Variants in RBFOX1 observed in about 807,000 individuals in gnomAD.
RBFOX1 encodes RNA binding protein fox-1 homolog 1.
Under a neutral mutation model 57.7 loss-of-function variants are expected in RBFOX1, and 8 were observed. That is an observed-to-expected ratio of 0.14 (90% CI 0.08 to 0.25). The LOEUF is 0.25. RBFOX1 is among the 10% of genes least tolerant of loss of function. The pLI is 1.00. For synonymous variants in RBFOX1, 326 were observed against 222.4 expected (o/e 1.47, Z -4.15); for missense variants, 611 against 548.5 (o/e 1.11, Z -1.14).
At chr16:6,413,753 T>G (rs1407531787) in intron 2 of RBFOX1, among the ~76,000 whole-genome samples, 2 of 152,134 alleles carry the variant, frequency 1.3e-5, no homozygotes, top group Non-Finnish European at 2.9e-5. Context: ...GATACTTAAT[T>G]AACTAAGAAT....
At chr16:7,465,852 T>C (rs866795565) in intron 4 of RBFOX1, among the ~76,000 whole-genome samples, 2 of 152,176 alleles carry the variant, frequency 1.3e-5, no homozygotes, top group African/African-American at 4.8e-5. Flanking sequence ...TGATGTCGAG[T>C]GTTTGATATT....
At chr16:6,621,928 A>C (rs1279473260) in intron 2 of RBFOX1, among the ~76,000 whole-genome samples, 1 of 152,186 alleles carries the variant, frequency 6.6e-6, no homozygotes, top group African/African-American at 2.4e-5. Context: ...AAGAGCTAAG[A>C]GAGAGTTATG....
intron 1 of RBFOX1, among the ~76,000 whole-genome samples, chr16:6,149,615 G>C (rs2096783712): frequency 1.3e-5 from 2 of 152,140 alleles, no homozygotes; most frequent in African/African-American, 4.8e-5. Context: ...ATATGCATTG[G>C]GTCTTTTTCT....
At chr16:7,549,559 C>T (rs1178083411) in intron 5 of RBFOX1, among the ~76,000 whole-genome samples, 3 of 152,148 alleles carry the variant, frequency 2.0e-5, no homozygotes, top group Non-Finnish European at 4.4e-5. Flanking sequence ...GTCCTAGAGC[C>T]TCAAAAGTAG....
At chr16:5,891,185 A>G (rs889854638) in intron 4 of RBFOX1, among the ~76,000 whole-genome samples, 1 of 147,582 alleles carries the variant, frequency 6.8e-6, no homozygotes, top group Non-Finnish European at 1.5e-5. Flanking sequence ...GGCTTCAGAA[A>G]GTGTAAACCC....
At chr16:5,565,812 T>C (rs2046047186) in intron 2 of RBFOX1, among the ~76,000 whole-genome samples, 1 of 151,970 alleles carries the variant, frequency 6.6e-6, no homozygotes, top group Admixed American at 6.6e-5. Flanking sequence ...ACATGGGAAA[T>C]AAGAGAGGCT....
At chr16:6,425,918 A>G (rs1293766318) in intron 2 of RBFOX1, among the ~76,000 whole-genome samples, 3 of 152,166 alleles carry the variant, frequency 2.0e-5, no homozygotes, top group African/African-American at 7.2e-5. Flanking sequence ...CTTCCCAAAA[A>G]GAATCCCATG....
intron 3 of RBFOX1, among the ~76,000 whole-genome samples, chr16:6,859,119 A>ATATATATATATATATGTATATATATATG (rs2058442693): frequency 1.2e-5 from 1 of 82,212 alleles, no homozygotes; most frequent in African/African-American, 8.6e-5. Context: ...GTGTATATAT[A>ATATATATATATATATGTATATATATATG]TATATATATA....
At chr16:7,050,648 C>A (rs79237231) in intron 3 of RBFOX1, among the ~76,000 whole-genome samples, 1 of 152,048 alleles carries the variant, frequency 6.6e-6, no homozygotes, top group Admixed American at 6.6e-5. Context: ...TCTGTGGTTT[C>A]TTTTCTTAAC....
At chr16:7,010,181 G>C (rs1246376695) in intron 3 of RBFOX1, among the ~76,000 whole-genome samples, 5 of 152,220 alleles carry the variant, frequency 3.3e-5, no homozygotes, top group African/African-American at 7.2e-5. Flanking sequence ...TGAATACTAT[G>C]AGGGTCCCTT....
rs113430456 is a variant in RBFOX1 at position 5,904,375 on chromosome 16, G to C, written c.351+37040G>C. 5.6e-3 allele frequency among the ~76,000 whole-genome samples: 849 copies of C among 152,172 alleles called. 11 individuals carry two copies. Among genetic ancestry groups the C allele is most frequent in the African/African-American group, 0.02 (811 of 41,516 alleles). ...AGCAGAGGCTGCTCCATCACTTGGG[G>C]ACAGGTGTTTAGGAGCTCGTTTTGT... is the stretch of plus-strand genomic sequence containing the variant. On this transcript the variant is annotated intron_variant, in intron 4 of 19. Coordinates refer to the RBFOX1 transcript ENST00000641259.
Position 5,776,256 on chromosome 16 carries a change from C to T in RBFOX1, c.319-91047C>T, listed in dbSNP as rs74006281. ...ATTTGCACATTCGTTGATTTGTATTCAGAAGGCTGCAGTACCCCATTCTGG... is the reference window on the plus strand; with the variant it reads ...ATTTGCACATTCGTTGATTTGTATTTAGAAGGCTGCAGTACCCCATTCTGG... On this transcript the variant is annotated intron_variant, in intron 3 of 19. Transcript: ENST00000641259. 4.6e-3 allele frequency among the ~76,000 whole-genome samples: 696 copies of T among 152,290 alleles called. 6 individuals are homozygous for T. The highest frequency in any genetic ancestry group is 0.015 in the African/African-American group (639 of 41,550).
At chr16:7,158,628 C>A (rs1379324723) in intron 4 of RBFOX1, among the ~76,000 whole-genome samples, 1 of 151,506 alleles carries the variant, frequency 6.6e-6, no homozygotes, top group East Asian at 1.9e-4. Context: ...GATGTGTCTG[C>A]ATGTGTGTGT....
At chr16:5,953,762 C>CA (rs1182705711) in intron 4 of RBFOX1, among the ~76,000 whole-genome samples, 1 of 151,056 alleles carries the variant, frequency 6.6e-6, no homozygotes, top group Non-Finnish European at 1.5e-5. Flanking sequence ...GATTGATGGA[C>CA]ATTTGAGTTG....
At position 5,434,655 on chromosome 16, in the gene RBFOX1, G is replaced by T. The variant is rs535868185; in HGVS notation, c.220-32561G>T. Among the ~76,000 whole-genome samples the T allele has an allele frequency of 3.3e-5, 5 of 152,168 alleles. No individual in the cohort carries two copies. The East Asian group carries it at 9.7e-4, about 29-fold the overall frequency. ...TCTCCTTCGTGCCTCTAAATTGTGT[G>T]CTAATAACCTTATTTCTTCGTTATC... On this transcript the variant is annotated intron_variant, in intron 1 of 2. Transcript: ENST00000585867.
At chr16:7,605,797 T>C (rs769593391) in intron 9 of RBFOX1, among the ~76,000 whole-genome samples, 6 of 152,162 alleles carry the variant, frequency 3.9e-5, no homozygotes, top group South Asian at 2.1e-4. Flanking sequence ...GCTCAAGGAC[T>C]CAGAGCAAAG....
At chr16:5,470,149 A>G (rs2069085031) in intron 2 of RBFOX1, among the ~76,000 whole-genome samples, 1 of 152,232 alleles carries the variant, frequency 6.6e-6, no homozygotes, top group Non-Finnish European at 1.5e-5. Flanking sequence ...TGAGGAACAG[A>G]GCCGAGGTCT....
rs1222713846 is a variant in RBFOX1 at position 5,856,185 on chromosome 16, C to CTATA, written c.319-11117_319-11116insATAT. ...TCTCTCTCTCTCTCTCTCTCTCTCT[C>CTATA]TCTATATATATATATATATATACAT... is the stretch of plus-strand genomic sequence containing the variant. On this transcript the variant is annotated intron_variant, in intron 3 of 19. Transcript: ENST00000641259. Among the ~76,000 whole-genome samples, 384 of 39,820 alleles carry CTATA rather than the reference C, an allele frequency of 9.6e-3. 2 individuals carry two copies. Among genetic ancestry groups the CTATA allele is most frequent in the Middle Eastern group, 0.074 (4 of 54 alleles). 26.1% of individuals were successfully genotyped at this position (39,820 alleles called of 152,430 possible).
intron 4 of RBFOX1, among the ~76,000 whole-genome samples, chr16:7,238,302 C>T (rs776842961): frequency 6.6e-6 from 1 of 151,466 alleles, no homozygotes; most frequent in Non-Finnish European, 1.5e-5. Flanking sequence ...GTACTTAACA[C>T]TACTCAACTG....
Sources: gnomAD v4.1 joint callset for allele counts (sites outside exome capture counted in the v4.1 genomes callset) on GRCh38, gnomAD v4.1.1 for gene constraint, MANE v1.5 for transcripts, NCBI Gene and HGNC (gene_info 2026-07-23, HGNC 2026-07-21) for gene names.